The following NDST4 variants were observed in gnomAD, a reference collection of about 807,000 sequenced individuals.
NDST4 encodes N-heparan sulfate sulfotransferase 4.
Under a neutral mutation model 100.8 loss-of-function variants are expected in NDST4, and 63 were observed. The observed-to-expected ratio is 0.62, with a 90% CI of 0.51 to 0.77. NDST4 has a LOEUF of 0.77. NDST4 is among the 30% of genes least tolerant of loss of function. The probability of loss-of-function intolerance (pLI) is 0.00; values close to 1 mark genes in which losing one functional copy is unlikely to be tolerated. For synonymous variants in NDST4, 377 were observed against 361.8 expected, an observed-to-expected ratio of 1.04 and a Z score of -0.48; for missense variants, 943 against 1,018.4, an observed-to-expected ratio of 0.93 and a Z score of 1.01.
intron 1 of NDST4, 113 bp downstream of exon 1, chr4:115,113,331 C>T (rs532495978): frequency 6.6e-6 from 1 of 152,020 alleles, no homozygotes; most frequent in East Asian, 1.9e-4. Flanking sequence ...TCTGCTTCTA[C>T]ATAAATCTTT....
chr4:114,869,659 G>A (rs1340226688), intron 7 of NDST4, among the ~76,000 whole-genome samples: 3 of 152,050 alleles, frequency 2.0e-5, no homozygotes, highest in African/African-American at 4.8e-5. Context: ...AAACACAAAC[G>A]GTAAAAAGCT....
intron 2 of NDST4, among the ~76,000 whole-genome samples, chr4:115,033,123 A>ATG (rs1560574139): frequency 1.2e-3 from 120 of 103,102 alleles, no homozygotes; most frequent in African/African-American, 4.5e-3. Flanking sequence ...AAAATTATAT[A>ATG]TATATGTGTA....
chr4:114,887,941 A>G (rs577429267), intron 6 of NDST4, among the ~76,000 whole-genome samples: 2 of 152,144 alleles, frequency 1.3e-5, no homozygotes, highest in Non-Finnish European at 2.9e-5. Flanking sequence ...TAATTTTTGC[A>G]TTTAAATATT....
At chr4:114,922,991 G>T (rs1725319859) in intron 6 of NDST4, among the ~76,000 whole-genome samples, 1 of 152,194 alleles carries the variant, frequency 6.6e-6, no homozygotes, top group African/African-American at 2.4e-5. Flanking sequence ...AAGCAGAGAT[G>T]AAATCTGATA....
In NDST4 at chr4:114,891,170, C is replaced by G. The variant is rs76032320; in HGVS notation, c.1537-20220G>C. 5.9e-5 allele frequency among the ~76,000 whole-genome samples: 9 copies of G among 152,204 alleles called. No homozygotes were observed. In the East Asian group the frequency reaches 1.5e-3, roughly 26 times the overall value. Reference sequence around the variant, plus strand: ...CACAAGTGATAATAAACTCTCAGTTCACACTTTGTTTCTCCTTTATTGATT... The same window carrying G: ...CACAAGTGATAATAAACTCTCAGTTGACACTTTGTTTCTCCTTTATTGATT... On this transcript the variant is annotated intron_variant, in intron 6 of 13. Coordinates refer to ENST00000264363, the MANE Select transcript of NDST4 (RefSeq NM_022569.3).
rs188500109 is a variant in NDST4, at chr4:114,961,590, A to G, written c.1221+8840T>C. 4.2e-3 allele frequency among the ~76,000 whole-genome samples: 643 copies of G among 151,658 alleles called. 11 individuals are homozygous for G. Among genetic ancestry groups the G allele is most frequent in the Middle Eastern group, 0.017 (5 of 294 alleles). ...CTATGCCAAATATTTGATAACTTAGATAAAATTAGTAAATGTCTAGACACA... is the reference window on the plus strand; with the variant it reads ...CTATGCCAAATATTTGATAACTTAGGTAAAATTAGTAAATGTCTAGACACA... On this transcript the variant is annotated intron_variant, in intron 4 of 13. Transcript: ENST00000264363.
chr4:114,933,428 TTTCC>T (rs1205723496), intron 6 of NDST4, among the ~76,000 whole-genome samples: 1 of 120,690 alleles, frequency 8.3e-6, no homozygotes, highest in African/African-American at 3.4e-5. Context: ...GATTTTTTCT[TTTCC>T]TTTTTTTTTT....
At chr4:114,975,198 T>C (rs1207656301) in intron 3 of NDST4, among the ~76,000 whole-genome samples, 1 of 152,252 alleles carries the variant, frequency 6.6e-6, no homozygotes, top group South Asian at 2.1e-4. Context: ...TAAGTATTCA[T>C]ATAATTATGA....
In NDST4 at chr4:114,871,012, C is replaced by G; in HGVS notation, c.1537-62G>C. On this transcript the variant is annotated intron_variant, in intron 6 of 13. Coordinates refer to ENST00000264363, the MANE Select transcript of NDST4 (RefSeq NM_022569.3). ...ATGCTTAAGCTTAAAAGTAGCAGTA[C>G]AAGCCCCAGGCAGCACCTCACCTCA... 2.3e-6 allele frequency: 3 copies of G among 1,320,536 alleles called. No individual in the cohort carries two copies. In the South Asian group the frequency reaches 4.6e-5, roughly 20 times the overall value. The allele number at this position is 1,320,536 out of a possible 1,614,324, so 81.8% of individuals were successfully genotyped here.
At chr4:115,087,116 A>G (rs1463307789) in intron 1 of NDST4, among the ~76,000 whole-genome samples, 3 of 152,058 alleles carry the variant, frequency 2.0e-5, no homozygotes, top group Non-Finnish European at 4.4e-5. Flanking sequence ...GATCTGCCCC[A>G]GGGTTTCTGA....
chr4:115,088,741 T>G lies in NDST4; in HGVS notation c.-246-11459A>C, dbSNP rs557262988. ...TCTTATAAATTGTTTCATCTTGTTA[T>G]TCCTGCACTTTATGTGTTGAACCAT... On this transcript the variant is annotated intron_variant, in intron 1 of 13. Transcript: ENST00000264363. 2.1e-4 allele frequency among the ~76,000 whole-genome samples: 32 copies of G among 152,228 alleles called. 2 individuals carry two copies. Among genetic ancestry groups the G allele is most frequent in the African/African-American group, 6.0e-4 (25 of 41,572 alleles).
chr4:115,064,606 C>T (rs1429556269), intron 2 of NDST4, among the ~76,000 whole-genome samples: 1 of 151,964 alleles, frequency 6.6e-6, no homozygotes, highest in African/African-American at 2.4e-5. Flanking sequence ...GTCAGGCATT[C>T]CTTTAATTTT....
At chr4:114,856,431 C>T (rs1319921345) in intron 7 of NDST4, among the ~76,000 whole-genome samples, 1 of 152,090 alleles carries the variant, frequency 6.6e-6, no homozygotes, top group African/African-American at 2.4e-5. Flanking sequence ...AATATTTTCA[C>T]AATTATTTTC....
intron 2 of NDST4, among the ~76,000 whole-genome samples, chr4:115,039,629 C>T (rs572099091): frequency 1.2e-4 from 19 of 152,136 alleles, no homozygotes; most frequent in East Asian, 9.7e-4. Flanking sequence ...AAATTTGCAT[C>T]GTCTAACAAA....
chr4:114,866,243 G>A lies in NDST4; in HGVS notation c.1719+4525C>T, dbSNP rs1724023179. ...CTTTTCACAACCATGAAGCTCTTCT[G>A]GGCTTCCCTCTCTCATAGGTAGATT... On this transcript the variant is annotated intron_variant, in intron 7 of 13. Transcript: ENST00000264363. Among the ~76,000 whole-genome samples, 3 of 152,096 alleles carry A rather than the reference G, an allele frequency of 2.0e-5. No individual in the cohort carries two copies. The South Asian group carries it at 6.2e-4, about 32-fold the overall frequency.
chr4:115,090,780 G>C (rs1261762790), intron 1 of NDST4, among the ~76,000 whole-genome samples: 1 of 152,014 alleles, frequency 6.6e-6, no homozygotes, highest in Non-Finnish European at 1.5e-5. Context: ...AACTAGATAA[G>C]TCCAGGGAGT....
At chr4:114,949,669 T>C (rs146634311) in intron 4 of NDST4, among the ~76,000 whole-genome samples, 6 of 152,144 alleles carry the variant, frequency 3.9e-5, no homozygotes, top group Admixed American at 2.0e-4. Context: ...ATATCTAGCC[T>C]CCTTTTATGA....
intron 4 of NDST4, among the ~76,000 whole-genome samples, chr4:114,967,682 G>A (rs575453603): frequency 1.3e-5 from 2 of 152,094 alleles, no homozygotes; most frequent in Admixed American, 1.3e-4. Context: ...TTTTTGAAAT[G>A]GAAAAGATTT....
intron 10 of NDST4, among the ~76,000 whole-genome samples, chr4:114,841,436 C>T (rs1298310015): frequency 6.6e-6 from 1 of 152,096 alleles, no homozygotes; most frequent in Non-Finnish European, 1.5e-5. Context: ...CACTGCAATA[C>T]AGCAATAAAA....
Sources: gnomAD v4.1 joint callset for allele counts (sites outside exome capture counted in the v4.1 genomes callset) on GRCh38, gnomAD v4.1.1 for gene constraint, MANE v1.5 for transcripts, NCBI Gene and HGNC (gene_info 2026-07-23, HGNC 2026-07-21) for gene names.